The following YTHDF3 variants were observed in gnomAD, a reference collection of about 807,000 sequenced individuals.
The protein encoded by YTHDF3 is YTH domain-containing family protein 3.
A neutral mutation model predicts 52.5 loss-of-function variants in YTHDF3; 9 were observed. That is an observed-to-expected ratio of 0.17 (90% CI 0.10 to 0.30). The LOEUF (loss-of-function observed/expected upper bound fraction) is 0.30, where lower values mean the gene tolerates loss of function less well. Ranked by LOEUF, YTHDF3 falls within the 10% of genes least tolerant of loss-of-function variation. The pLI is 1.00. For synonymous variants in YTHDF3, 274 were observed against 243.3 expected (o/e 1.13, Z -1.18); for missense variants, 534 against 715.0 (o/e 0.75, Z 2.89).
chr8:63,204,177 C>T (rs1307620326), intron 4 of YTHDF3, among the ~76,000 whole-genome samples: 1 of 151,818 alleles, frequency 6.6e-6, no homozygotes, highest in Non-Finnish European at 1.5e-5. Flanking sequence ...TTGGATCTAT[C>T]CTCTCATTTT....
At chr8:63,192,632 TTTG>T (rs1414652148) in intron 4 of YTHDF3, among the ~76,000 whole-genome samples, 1 of 152,160 alleles carries the variant, frequency 6.6e-6, no homozygotes, top group African/African-American at 2.4e-5. Context: ...TGTATTTTCA[TTTG>T]TTGATTTTCT....
chr8:63,178,772 G>A (rs904693612), intron 3 of YTHDF3, among the ~76,000 whole-genome samples: 12 of 152,138 alleles, frequency 7.9e-5, no homozygotes, highest in South Asian at 2.1e-4. Context: ...AAGGTAAGTC[G>A]TATGAGAATT....
chr8:63,203,545 T>C (rs1388053911), intron 4 of YTHDF3, among the ~76,000 whole-genome samples: 1 of 152,252 alleles, frequency 6.6e-6, no homozygotes, highest in Non-Finnish European at 1.5e-5. Flanking sequence ...TATTCTTTAT[T>C]CATTTTCCCT....
chr8:63,202,308 CTT>C (rs1809690898), intron 4 of YTHDF3, among the ~76,000 whole-genome samples: 1 of 152,038 alleles, frequency 6.6e-6, no homozygotes, highest in Non-Finnish European at 1.5e-5. Context: ...ACAGTTTTGT[CTT>C]TTGCTTTTTT....
chr8:63,195,376 G>T (rs1218190408), intron 4 of YTHDF3, among the ~76,000 whole-genome samples: 1 of 152,142 alleles, frequency 6.6e-6, no homozygotes, highest in East Asian at 1.9e-4. Context: ...AAAAAGAACA[G>T]AAAACCAGAA....
In YTHDF3 at chr8:63,168,740, T is replaced by C; in HGVS notation, c.-138T>C. The stretch of plus-strand genomic sequence containing the variant: ...CCGACTCCCGAGCGCGAGGCCCTCA[T>C]TTTGGGTTCTCAGCGAACGGCGGCA... On this transcript the variant is annotated 5_prime_UTR_variant, in exon 1 of 5. Transcript: ENST00000539294. The C allele has an allele frequency of 6.6e-7, 1 of 1,518,624 alleles. No homozygotes were observed. Among genetic ancestry groups the C allele is most frequent in the South Asian group, 1.2e-5 (1 of 83,112 alleles). The allele number at this position is 1,518,624 out of a possible 1,614,324, so 94.1% of individuals were successfully genotyped here.
chr8:63,181,492 G>T (rs1808134352), intron 3 of YTHDF3, among the ~76,000 whole-genome samples: 1 of 152,112 alleles, frequency 6.6e-6, no homozygotes, highest in Non-Finnish European at 1.5e-5. Flanking sequence ...ATTATTTTAT[G>T]AAAGTATAAA....
At chr8:63,187,985 G>C (rs1808641428) in intron 4 of YTHDF3, among the ~76,000 whole-genome samples, 1 of 152,248 alleles carries the variant, frequency 6.6e-6, no homozygotes, top group African/African-American at 2.4e-5. Flanking sequence ...GATGATAAAG[G>C]CCATTGGGCC....
rs1554533792 is a variant in YTHDF3 at position 63,175,426 on chromosome 8, C to T, written c.135+10C>T. On this transcript the variant is annotated intron_variant, in intron 3 of 4. Coordinates refer to ENST00000539294, the MANE Select transcript of YTHDF3 (RefSeq NM_152758.6). ...TAGCCAGACAAATCAGGTAAGTCTT[C>T]TGACAGTTTCAGATTTTAGGAAATT... 1 of 1,600,540 alleles carries T rather than the reference C, an allele frequency of 6.2e-7. No homozygotes were observed. Among genetic ancestry groups the T allele is most frequent in the South Asian group, 1.1e-5 (1 of 89,654 alleles).
intron 4 of YTHDF3, among the ~76,000 whole-genome samples, chr8:63,207,209 TTTTGAC>T (rs1810090421): frequency 1.3e-5 from 2 of 152,202 alleles, no homozygotes; most frequent in Admixed American, 1.3e-4. Flanking sequence ...CCAACAGTGG[TTTTGAC>T]TTTAAGTCCA....
At chr8:63,196,638 C>A (rs1214748558) in intron 4 of YTHDF3, among the ~76,000 whole-genome samples, 2 of 151,230 alleles carry the variant, frequency 1.3e-5, no homozygotes, top group East Asian at 3.9e-4. Context: ...AAATTACCTA[C>A]AAAGAAAGGA....
At chr8:63,203,572 C>T (rs1809785441) in intron 4 of YTHDF3, among the ~76,000 whole-genome samples, 1 of 152,142 alleles carries the variant, frequency 6.6e-6, no homozygotes, top group Non-Finnish European at 1.5e-5. Flanking sequence ...AACACATAAT[C>T]ATAGTACATT....
rs545707272 is a variant in YTHDF3 at position 63,173,202 on chromosome 8, T to TTATATATATATATATATA, written c.50-2117_50-2116insTATATATATATATATATA. ...AAAAATAAGAATAACAGGATTATATTTATATATATATACAGATAAATTTTA... is the reference window on the plus strand; with the variant it reads ...AAAAATAAGAATAACAGGATTATATTTATATATATATATATATATATATATATATACAGATAAATTTTA... On this transcript the variant is annotated intron_variant, in intron 2 of 4. Transcript: ENST00000539294. Among the ~76,000 whole-genome samples the TTATATATATATATATATA allele has an allele frequency of 9.1e-4, 115 of 125,902 alleles. 3 individuals are homozygous for TTATATATATATATATATA. The highest frequency in any genetic ancestry group is 4.2e-3 in the Middle Eastern group (1 of 240). The allele number at this position is 125,902 out of a possible 152,430, so 82.6% of individuals were successfully genotyped here.
At chr8:63,188,621 A>C (rs906807650) in intron 4 of YTHDF3, 5 of 145,344 alleles carry the variant, frequency 3.4e-5, no homozygotes, top group Non-Finnish European at 6.0e-5. Context: ...CACTGCACCC[A>C]GCTGAAACAA....
chr8:63,171,236 G>C (rs765764768), intron 2 of YTHDF3, among the ~76,000 whole-genome samples: 2 of 152,058 alleles, frequency 1.3e-5, no homozygotes, highest in African/African-American at 2.4e-5. Flanking sequence ...AAGTGAGCTT[G>C]AAAACATTTT....
intron 1 of YTHDF3, 28 bp from the exon 2 acceptor site, chr8:63,169,359 T>C (rs756299619): frequency 1.3e-6 from 2 of 1,596,728 alleles, no homozygotes; most frequent in East Asian, 4.5e-5. Flanking sequence ...TTTCTCCTCT[T>C]TACCGCATCT....
Position 63,209,719 on chromosome 8 carries a change from G to T in YTHDF3, c.*13G>T. On this transcript the variant is annotated 3_prime_UTR_variant, in exon 5 of 5. Coordinates refer to ENST00000539294, the MANE Select transcript of YTHDF3 (RefSeq NM_152758.6). ...AAACAAACAATAACCGTATGAAGAT[G>T]TCCTGTTAAATTTACAACACTAACG... 5.7e-6 allele frequency: 9 copies of T among 1,568,436 alleles called. No individual in the cohort carries two copies. Among genetic ancestry groups the T allele is most frequent in the Non-Finnish European group, 7.7e-6 (9 of 1,162,990 alleles).
intron 4 of YTHDF3, among the ~76,000 whole-genome samples, chr8:63,191,754 A>G (rs1808927142): frequency 6.6e-6 from 1 of 152,158 alleles, no homozygotes; most frequent in African/African-American, 2.4e-5. Context: ...ATTATGTACT[A>G]TATGATCTTT....
chr8:63,175,686 T>G (rs995417017), intron 3 of YTHDF3: 8 of 257,752 alleles, frequency 3.1e-5, no homozygotes, highest in African/African-American at 8.8e-5. Flanking sequence ...GTTAGGTTTT[T>G]TGTGTGTGTG....
Sources: allele counts gnomAD v4.1 joint callset (sites outside exome capture counted in the v4.1 genomes callset), GRCh38; gene constraint gnomAD v4.1.1; transcripts MANE v1.5; gene names NCBI Gene and HGNC (gene_info 2026-07-23, HGNC 2026-07-21).